The following CDC42BPA variants were observed in gnomAD, a reference collection of about 807,000 sequenced individuals.
The protein encoded by CDC42BPA is serine/threonine-protein kinase MRCK alpha.
CDC42BPA carries 80 observed loss-of-function variants against 223.5 expected under a neutral mutation model. That is an observed-to-expected ratio of 0.36 (90% CI 0.30 to 0.43). The LOEUF (loss-of-function observed/expected upper bound fraction) is 0.43. Ranked by LOEUF, CDC42BPA falls within the 20% of genes least tolerant of loss-of-function variation. CDC42BPA has a pLI of 1.00. For synonymous variants in CDC42BPA, 694 were observed against 718.6 expected (o/e 0.97, Z 0.55); for missense variants, 1,743 against 2,099.9 (o/e 0.83, Z 3.32).
At chr1:227,175,966 T>C (rs1470740333) in intron 5 of CDC42BPA, among the ~76,000 whole-genome samples, 1 of 152,160 alleles carries the variant, frequency 6.6e-6, no homozygotes, top group Non-Finnish European at 1.5e-5. Flanking sequence ...GTACTGGGTG[T>C]GTGTATGAAA....
intron 5 of CDC42BPA, among the ~76,000 whole-genome samples, chr1:227,172,853 CTCTT>C (rs1171638639): frequency 1.3e-5 from 2 of 152,132 alleles, no homozygotes; most frequent in Non-Finnish European, 2.9e-5. Flanking sequence ...TACACTAACT[CTCTT>C]TAACAAATAC....
chr1:227,050,204 T>C (rs1388176675), intron 22 of CDC42BPA, among the ~76,000 whole-genome samples: 1 of 151,918 alleles, frequency 6.6e-6, no homozygotes, highest in Non-Finnish European at 1.5e-5. Context: ...AACAGGCAAA[T>C]CATCAATGGT....
At chr1:227,065,736 TGGA>T (rs1676906338) in intron 21 of CDC42BPA, among the ~76,000 whole-genome samples, 3 of 152,250 alleles carry the variant, frequency 2.0e-5, no homozygotes, top group Admixed American at 6.5e-5. Flanking sequence ...AAGGTAACTT[TGGA>T]GGAGGAGAGG....
At chr1:227,162,997 TG>T (rs1664282157) in intron 5 of CDC42BPA, among the ~76,000 whole-genome samples, 1 of 56,896 alleles carries the variant, frequency 1.8e-5, no homozygotes, top group Admixed American at 1.7e-4. Flanking sequence ...TTTCCAAACA[TG>T]TGTATGTTTC....
intron 1 of CDC42BPA, among the ~76,000 whole-genome samples, chr1:227,300,079 G>T (rs1356354581): frequency 6.8e-6 from 1 of 146,778 alleles, no homozygotes; most frequent in African/African-American, 2.6e-5. Context: ...ATTTTCAAGG[G>T]ATTTTCTCTA....
intron 1 of CDC42BPA, among the ~76,000 whole-genome samples, chr1:227,293,889 T>C (rs1271817371): frequency 6.6e-6 from 1 of 152,180 alleles, no homozygotes; most frequent in Non-Finnish European, 1.5e-5. Flanking sequence ...AAAGTGTCTC[T>C]AGCTTGTAAT....
intron 2 of CDC42BPA, among the ~76,000 whole-genome samples, chr1:227,220,921 A>G (rs1675789205): frequency 6.6e-6 from 1 of 152,196 alleles, no homozygotes; most frequent in Non-Finnish European, 1.5e-5. Context: ...CAAGGAACTG[A>G]TACCACATCC....
At chr1:227,261,272 T>C (rs1684019348) in intron 1 of CDC42BPA, among the ~76,000 whole-genome samples, 1 of 150,436 alleles carries the variant, frequency 6.6e-6, no homozygotes, top group East Asian at 1.9e-4. Flanking sequence ...CGTGCCACCA[T>C]GCCCAGCTAA....
At chr1:227,112,284 G>T in intron 14 of CDC42BPA, 28 bp downstream of exon 14, 1 of 1,315,960 alleles carries the variant, frequency 7.6e-7, no homozygotes, top group Non-Finnish European at 1.1e-6. Context: ...AATCAATTAA[G>T]CTTCATAAAT....
At chr1:227,119,280 A>G (rs902577427) in intron 12 of CDC42BPA, among the ~76,000 whole-genome samples, 5 of 152,110 alleles carry the variant, frequency 3.3e-5, no homozygotes, top group African/African-American at 1.2e-4. Flanking sequence ...TTAGCTATCA[A>G]TAAATTTTTT....
At chr1:227,084,298 T>A (rs564438409) in intron 16 of CDC42BPA, among the ~76,000 whole-genome samples, 3 of 151,952 alleles carry the variant, frequency 2.0e-5, no homozygotes, top group Admixed American at 1.3e-4. Context: ...GAGGCCAAGG[T>A]GGGAGGATCA....
intron 15 of CDC42BPA, among the ~76,000 whole-genome samples, chr1:227,094,518 C>T (rs1296590872): frequency 2.6e-5 from 4 of 152,206 alleles, no homozygotes; most frequent in African/African-American, 9.7e-5. Context: ...TAACAAAGAC[C>T]TAATGGAGCA....
At chr1:227,256,250 A>G (rs1256905221) in intron 1 of CDC42BPA, among the ~76,000 whole-genome samples, 2 of 152,202 alleles carry the variant, frequency 1.3e-5, no homozygotes, top group African/African-American at 4.8e-5. Context: ...GTTCTCACTC[A>G]TAAGTGGGAG....
intron 1 of CDC42BPA, among the ~76,000 whole-genome samples, chr1:227,254,510 T>C (rs565946064): frequency 6.6e-6 from 1 of 152,268 alleles, no homozygotes; most frequent in African/African-American, 2.4e-5. Context: ...TAAAAGCAGA[T>C]TTCATGGCAC....
chr1:227,143,077 G>A, intron 8 of CDC42BPA, 53 bp from the exon 9 acceptor site: 4 of 1,156,880 alleles, frequency 3.5e-6, no homozygotes, highest in South Asian at 2.0e-5. Flanking sequence ...TGATCTGTAG[G>A]CTTGGCTATA....
chr1:227,258,176 G>GAAAA (rs60156840), intron 1 of CDC42BPA, among the ~76,000 whole-genome samples: 20,283 of 107,024 alleles, frequency 0.19, 1,902 homozygotes, highest in East Asian at 0.35. Context: ...CCCTGTCCGG[G>GAAAA]AAAAAAAAAA....
chr1:227,162,008 T>C (rs1663995493), intron 5 of CDC42BPA, among the ~76,000 whole-genome samples: 1 of 152,198 alleles, frequency 6.6e-6, no homozygotes, highest in African/African-American at 2.4e-5. Flanking sequence ...GAAGGAAGCT[T>C]AGCAATTACT....
At chr1:227,276,828 AT>A (rs1295239674) in intron 1 of CDC42BPA, among the ~76,000 whole-genome samples, 1 of 152,194 alleles carries the variant, frequency 6.6e-6, no homozygotes, top group Non-Finnish European at 1.5e-5. Flanking sequence ...GGTTAAACGG[AT>A]TAAGGGTGGT....
intron 4 of CDC42BPA, among the ~76,000 whole-genome samples, chr1:227,197,712 C>T (rs1670981564): frequency 6.6e-6 from 1 of 151,940 alleles, no homozygotes; most frequent in African/African-American, 2.4e-5. Flanking sequence ...CACAAATCTG[C>T]AGTGTTAAAT....
Sources: allele counts gnomAD v4.1 joint callset (sites outside exome capture counted in the v4.1 genomes callset), GRCh38; gene constraint gnomAD v4.1.1; transcripts MANE v1.5; gene names NCBI Gene and HGNC (gene_info 2026-07-23, HGNC 2026-07-21).